Variants in BEST1 observed in about 807,000 individuals in gnomAD.
BEST1 encodes bestrophin-1.
Under a neutral mutation model 63.3 loss-of-function variants are expected in BEST1, and 58 were observed. The ratio of observed to expected loss-of-function variants is 0.92; its 90% confidence interval spans 0.74 to 1.14. BEST1 has a LOEUF of 1.14. Ranked by LOEUF, BEST1 falls within the 50% of genes most tolerant of loss-of-function variation. BEST1 has a pLI of 0.00. For synonymous variants in BEST1, 283 were observed against 291.6 expected (o/e 0.97, Z 0.30); for missense variants, 671 against 740.1 (o/e 0.91, Z 1.08).
At position 61,959,980 on chromosome 11, in the gene BEST1, C is replaced by G. The variant is rs563488311; in HGVS notation, c.1037C>G (p.Pro346Arg). 8 of 1,612,500 alleles carry G rather than the reference C, an allele frequency of 5.0e-6. No individual in the cohort carries two copies. The highest frequency in any genetic ancestry group is 2.2e-5 in the South Asian group (2 of 90,622). The change falls in exon 9 of 11, where the codon CCC becomes CGC. Residue 346 changes from proline to arginine, a missense_variant. Physicochemically the swap from Pro to Arg is moderately radical, Grantham distance 103 (BLOSUM62 -2). Transcript: ENST00000378043. ...TGGAATAAGCCCGAGCCACAGCCCC[C>G]CTACACAGCTGCTTCCGCCCAGTTC... ...MYWNKPEPQP[P>R]YTAASAQFRR...
In BEST1 at chr11:61,956,955, G is replaced by A. The variant is rs1941433993; in HGVS notation, c.593G>A (p.Gly198Glu). ...FANLSMKAWL[G>E]GRIRDPILLQ... ...AACCTGTCAATGAAGGCGTGGCTTG[G>A]AGGTCGAATCCGGGACCCTATCCTG... Residue 198 changes from glycine to glutamate, a missense_variant, in exon 5 of 11, where the codon GGA (glycine) becomes GAA (glutamate). Physicochemically the swap from Gly to Glu is moderately conservative, Grantham distance 98. Transcript: ENST00000378043. 1 of 1,614,152 alleles carries A rather than the reference G, an allele frequency of 6.2e-7. No homozygotes were observed. The highest frequency in any genetic ancestry group is 8.5e-7 in the Non-Finnish European group (1 of 1,180,022).
At chr11:61,951,277 A>G (rs1940627866) in intron 1 of BEST1, among the ~76,000 whole-genome samples, 3 of 151,976 alleles carry the variant, frequency 2.0e-5, no homozygotes, top group Admixed American at 2.0e-4. Flanking sequence ...GCGTGATCTC[A>G]GCTCACTGCA....
chr11:61,961,948 T>G, intron 9 of BEST1: 2 of 403,634 alleles, frequency 5.0e-6, no homozygotes, highest in Non-Finnish European at 4.6e-6. Context: ...CTGCCTGGAG[T>G]GAGGGGTTTT....
rs144231113 is a variant in BEST1 at position 61,959,897 on chromosome 11, C to G, written c.954C>G (p.Ser318=). ...CTTCTGTCCCTGGTGACCAGGTGTC[C>G]CTGTTGGCTGTGGATGAGATGCACC... ...NWIVDRNLQV[S]LLAVDEMHQD... is the part of the protein sequence containing the mutation. The change falls in exon 9 of 11, where the codon TCC becomes TCG. Residue 318 remains serine, a synonymous_variant. Coordinates refer to ENST00000378043, the MANE Select transcript of BEST1 (RefSeq NM_004183.4). 44 of 1,613,712 alleles carry G rather than the reference C, an allele frequency of 2.7e-5. No individual in the cohort carries two copies. The highest frequency in any genetic ancestry group is 3.5e-5 in the Non-Finnish European group (41 of 1,179,912).
intron 10 of BEST1, chr11:61,963,871 G>C (rs1942329131): frequency 7.5e-7 from 1 of 1,335,490 alleles, no homozygotes; most frequent in African/African-American, 1.5e-5. Context: ...TGGGCGTCGT[G>C]GTGTGCCTGT....
Position 61,951,754 on chromosome 11 carries a change from G to T in BEST1, c.-36-17G>T. The T allele has an allele frequency of 6.2e-7, 1 of 1,605,622 alleles. No individual in the cohort carries two copies. On this transcript the variant is annotated splice_polypyrimidine_tract_variant and intron_variant, in intron 1 of 10. Coordinates refer to ENST00000378043, the MANE Select transcript of BEST1 (RefSeq NM_004183.4). ...TCTGATCCCTACAAACCCCCAATCG[G>T]TGTCCCTCTCTACCAGGACCCAAGC...
intron 3 of BEST1, 80 bp downstream of exon 3, chr11:61,955,281 T>TGATA: frequency 7.3e-7 from 1 of 1,377,662 alleles, no homozygotes; most frequent in South Asian, 1.2e-5. Context: ...CACGAGGAGC[T>TGATA]GCGGCAAGGG....
Position 61,960,054 on chromosome 11 carries a change from AGCCAGGGG to A in BEST1, c.1100+14_1100+21del. On this transcript the variant is annotated intron_variant, in intron 9 of 10. Coordinates refer to ENST00000378043, the MANE Select transcript of BEST1 (RefSeq NM_004183.4). ...CACCTTCAACATCAGGTGTGGCCAGAGCCAGGGGGCTGGGTGGGAAGCCCCTCCTAGTG... is the reference window on the plus strand; with the variant it reads ...CACCTTCAACATCAGGTGTGGCCAGAGCTGGGTGGGAAGCCCCTCCTAGTG... 6.2e-7 allele frequency: 1 copy of A among 1,605,592 alleles called. No homozygotes were observed. Among genetic ancestry groups the A allele is most frequent in the Non-Finnish European group, 8.5e-7 (1 of 1,176,620 alleles).
At position 61,964,202 on chromosome 11, in the gene BEST1, C is replaced by T; in HGVS notation, c.*80C>T. The stretch of plus-strand genomic sequence containing the variant: ...AGCAGGACACTGATCCAGTCACAGC[C>T]ATACAGCTGTCCACACTGAAGAACA... On this transcript the variant is annotated 3_prime_UTR_variant, in exon 11 of 11. Transcript: ENST00000378043. 2.5e-6 allele frequency: 4 copies of T among 1,607,524 alleles called. No homozygotes were observed. In the South Asian group the frequency reaches 4.4e-5, roughly 18 times the overall value.
chr11:61,963,655 A>C (rs1591317046), intron 10 of BEST1: 1 of 1,056,030 alleles, frequency 9.5e-7, no homozygotes, highest in Non-Finnish European at 1.1e-6. Flanking sequence ...TTGAAAACTT[A>C]AAAGGGCAAC....
chr11:61,955,582 C>A (rs1266038186), intron 3 of BEST1, 136 bp from the exon 4 acceptor site: 2 of 1,093,712 alleles, frequency 1.8e-6, no homozygotes, highest in African/African-American at 1.6e-5. Flanking sequence ...CGCTCCCGAG[C>A]GCCTTCCAGG....
At chr11:61,959,724 A>C in intron 8 of BEST1, 146 bp downstream of exon 8, 1 of 1,307,272 alleles carries the variant, frequency 7.6e-7, no homozygotes, top group Non-Finnish European at 1.1e-6. Flanking sequence ...CACTCACAGG[A>C]TTCTCACCTC....
At chr11:61,953,186 A>G (rs985303333) in intron 2 of BEST1, among the ~76,000 whole-genome samples, 1 of 152,236 alleles carries the variant, frequency 6.6e-6, no homozygotes, top group African/African-American at 2.4e-5. Context: ...TAATGATTAC[A>G]TGGATTGTAA....
chr11:61,959,833 A>C, intron 8 of BEST1, 59 bp from the exon 9 acceptor site: 1 of 1,600,894 alleles, frequency 6.2e-7, no homozygotes, highest in Non-Finnish European at 8.5e-7. Context: ...CATCAGGCAC[A>C]TACAAGGTCC....
At chr11:61,963,244 G>T in intron 10 of BEST1, 1 of 1,382,392 alleles carries the variant, frequency 7.2e-7, no homozygotes, top group South Asian at 1.9e-5. Flanking sequence ...AACTTACTTT[G>T]AGCAAGGGTG....
chr11:61,955,440 G>A (rs1858778635), intron 3 of BEST1: 2 of 1,387,306 alleles, frequency 1.4e-6, no homozygotes, highest in South Asian at 1.5e-5. Flanking sequence ...GGGAAGCGCT[G>A]ACATCATGGT....
At chr11:61,954,666 T>C (rs2134422965) in intron 2 of BEST1, 1 of 393,232 alleles carries the variant, frequency 2.5e-6, no homozygotes. Context: ...TCTTGCTATG[T>C]TGCCCAGGCT....
intron 2 of BEST1, chr11:61,954,727 G>C: frequency 1.1e-6 from 1 of 894,308 alleles, no homozygotes; most frequent in Non-Finnish European, 1.3e-6. Flanking sequence ...TGGGATTACA[G>C]GCGTGAACCA....
downstream of BEST1, chr11:61,964,822 C>T (rs772109161): frequency 1.3e-5 from 21 of 1,600,602 alleles, no homozygotes; most frequent in Middle Eastern, 1.6e-4. Context: ...AAGTTGGTCA[C>T]GTGGTCACCC....
Sources: allele counts gnomAD v4.1 joint callset (sites outside exome capture counted in the v4.1 genomes callset), GRCh38; gene constraint gnomAD v4.1.1; transcripts MANE v1.5; gene names NCBI Gene and HGNC (gene_info 2026-07-23, HGNC 2026-07-21).